FAM151B: variants seen among roughly 807,000 people sequenced by gnomAD.
FAM151B encodes the protein protein FAM151B.
In FAM151B, 24 loss-of-function variants were observed where a neutral mutation model predicts 31.2. The ratio of observed to expected loss-of-function variants is 0.77; its 90% CI spans 0.56 to 1.08. The LOEUF (loss-of-function observed/expected upper bound fraction) is 1.08. Among genes scored for constraint, FAM151B ranks in the 50% least tolerant of loss-of-function variants. The pLI, the probability that FAM151B is intolerant of heterozygous loss-of-function variation, is 0.00. For missense variants in FAM151B, 293 were observed against 328.6 expected, an observed-to-expected ratio of 0.89 and a Z score of 0.84; for synonymous variants, 105 against 111.4, an observed-to-expected ratio of 0.94 and a Z score of 0.36.
At chr5:80,512,688 G>A (rs549626374) in intron 2 of FAM151B, among the ~76,000 whole-genome samples, 12 of 151,528 alleles carry the variant, frequency 7.9e-5, no homozygotes, top group East Asian at 5.8e-4. Context: ...AAGCTGAGGC[G>A]GGAGGATTGC....
chr5:80,498,378 T>C (rs1238375862), intron 1 of FAM151B, among the ~76,000 whole-genome samples: 2 of 152,174 alleles, frequency 1.3e-5, no homozygotes, highest in Non-Finnish European at 2.9e-5. Context: ...AAGTCCCATG[T>C]ATGTTAGTTA....
rs2112689988 is a variant in FAM151B at position 80,541,956 on chromosome 5, T to C, written c.*124T>C. 9.9e-7 allele frequency: 1 copy of C among 1,011,526 alleles called. No homozygotes were observed. The highest frequency in any genetic ancestry group is 1.4e-6 in the Non-Finnish European group (1 of 699,908). The allele number at this position is 1,011,526 out of a possible 1,614,324, so 62.7% of individuals were successfully genotyped here. A position where few individuals can be genotyped will look rare whatever the true frequency, so the allele number is the denominator to read the frequency against. On this transcript the variant is annotated 3_prime_UTR_variant, in exon 6 of 6. Coordinates refer to ENST00000282226, the MANE Select transcript of FAM151B (RefSeq NM_205548.3). The stretch of plus-strand genomic sequence containing the variant: ...TTCCAAGTCATCTAATCAAGAAACG[T>C]TTATTGTATGCTTACTCTGTGGGCA...
rs577735486 is a variant in FAM151B, at chr5:80,542,479, T to C, written c.*647T>C. The C allele has an allele frequency of 6.6e-6, 1 of 152,082 alleles. No individual in the cohort carries two copies. Among genetic ancestry groups the C allele is most frequent in the South Asian group, 2.1e-4 (1 of 4,824 alleles). The allele number at this position is 152,082 out of a possible 1,614,324, so 9.4% of individuals were successfully genotyped here. On this transcript the variant is annotated 3_prime_UTR_variant, in exon 6 of 6. Coordinates refer to ENST00000282226, the MANE Select transcript of FAM151B (RefSeq NM_205548.3). ...ACTGTTGGAGAGCAGTTTTAGTCTT[T>C]GTTATGTATCATTTGTTTTCCAAGT...
intron 2 of FAM151B, among the ~76,000 whole-genome samples, chr5:80,507,242 A>G (rs902765032): frequency 1.3e-5 from 2 of 152,046 alleles, no homozygotes; most frequent in Admixed American, 6.6e-5. Flanking sequence ...CAAGATTTGG[A>G]CTAGAGGGTG....
intron 5 of FAM151B, among the ~76,000 whole-genome samples, chr5:80,530,093 A>G (rs187786986): frequency 3.2e-4 from 49 of 152,348 alleles, no homozygotes; most frequent in African/African-American, 1.2e-3. Context: ...ATACAAATCA[A>G]TAAACATAAT....
chr5:80,530,472 T>A (rs10054911), intron 5 of FAM151B, among the ~76,000 whole-genome samples: 15,690 of 152,172 alleles, frequency 0.1, 1,239 homozygotes, highest in African/African-American at 0.22. Flanking sequence ...GACATGATTG[T>A]ATATTTAGAA....
chr5:80,541,608 T>C lies in FAM151B; in HGVS notation c.672-65T>C, dbSNP rs185811036. The C allele has an allele frequency of 3.2e-4, 480 of 1,491,706 alleles. 1 individual carries two copies. In the African/African-American group the frequency reaches 5.5e-3, roughly 17 times the overall value. The allele number at this position is 1,491,706 out of a possible 1,614,324, so 92.4% of individuals were successfully genotyped here. A position where few individuals can be genotyped will look rare whatever the true frequency, so the allele number is the denominator to read the frequency against. On this transcript the variant is annotated intron_variant, in intron 5 of 5. Coordinates refer to ENST00000282226, the MANE Select transcript of FAM151B (RefSeq NM_205548.3). ...GAGATAAATGAAAGCATTTTTAGGC[T>C]TATTGGAATGACTCATCGCTTTCTT...
intron 2 of FAM151B, among the ~76,000 whole-genome samples, chr5:80,505,729 T>C (rs1743930150): frequency 6.7e-6 from 1 of 149,810 alleles, no homozygotes. Context: ...ACCAGTCCCC[T>C]TTTCTTTCTT....
chr5:80,520,230 T>C (rs1744640600), intron 4 of FAM151B, among the ~76,000 whole-genome samples: 1 of 152,210 alleles, frequency 6.6e-6, no homozygotes, highest in Non-Finnish European at 1.5e-5. Context: ...GTCCCTTCTT[T>C]TTATCAGGAA....
chr5:80,509,466 G>A (rs1298228077), intron 2 of FAM151B, among the ~76,000 whole-genome samples: 1 of 152,050 alleles, frequency 6.6e-6, no homozygotes, highest in Non-Finnish European at 1.5e-5. Flanking sequence ...TTTGATATTG[G>A]ATTTCCCAGC....
intron 3 of FAM151B, 84 bp downstream of exon 3, chr5:80,513,853 T>C: frequency 7.8e-7 from 1 of 1,289,598 alleles, no homozygotes; most frequent in Non-Finnish European, 1.1e-6. Context: ...TTATCCAAAC[T>C]GAAAATGGAA....
chr5:80,514,934 C>T (rs903566137), intron 3 of FAM151B, among the ~76,000 whole-genome samples: 1 of 152,116 alleles, frequency 6.6e-6, no homozygotes, highest in East Asian at 1.9e-4. Context: ...AAAGAACTAT[C>T]TTAAGATCAT....
chr5:80,492,501 C>T (rs184622066), intron 1 of FAM151B, among the ~76,000 whole-genome samples: 1 of 152,260 alleles, frequency 6.6e-6, no homozygotes, highest in Non-Finnish European at 1.5e-5. Context: ...TGTGTTCAGA[C>T]TGCTTCACCA....
chr5:80,529,542 A>G (rs898484448), intron 5 of FAM151B, among the ~76,000 whole-genome samples: 1 of 152,232 alleles, frequency 6.6e-6, no homozygotes, highest in Non-Finnish European at 1.5e-5. Context: ...GCAATAAAAA[A>G]TGATAAAGCG....
intron 5 of FAM151B, among the ~76,000 whole-genome samples, chr5:80,538,464 T>TCTC (rs1561383734): frequency 3.5e-4 from 38 of 108,390 alleles, no homozygotes; most frequent in Middle Eastern, 4.4e-3. Context: ...CTTTCTTTCT[T>TCTC]TCTTTCTTTC....
intron 1 of FAM151B, among the ~76,000 whole-genome samples, chr5:80,490,455 T>G (rs1468475449): frequency 1.3e-5 from 2 of 152,254 alleles, no homozygotes; most frequent in African/African-American, 4.8e-5. Flanking sequence ...TTAAAGAGTA[T>G]AATTCAGTGG....
chr5:80,534,886 A>C (rs903195120), intron 5 of FAM151B, among the ~76,000 whole-genome samples: 5 of 152,228 alleles, frequency 3.3e-5, no homozygotes, highest in African/African-American at 1.2e-4. Flanking sequence ...AAAAACTATT[A>C]GAACTAATAA....
chr5:80,538,513 T>TTCCTTCCTTCCTTCC (rs1745696880), intron 5 of FAM151B, among the ~76,000 whole-genome samples: 3 of 61,504 alleles, frequency 4.9e-5, no homozygotes, highest in Admixed American at 2.0e-4. Flanking sequence ...CTTTTCTTTC[T>TTCCTTCCTTCCTTCC]TTCCTTCCTT....
chr5:80,519,742 C>T lies in FAM151B; in HGVS notation c.367C>T (p.His123Tyr). 6.2e-7 allele frequency: 1 copy of T among 1,614,122 alleles called. No individual in the cohort carries two copies. The highest frequency in any genetic ancestry group is 8.5e-7 in the Non-Finnish European group (1 of 1,180,018). ...GATGCTCTTGGAAAATGTGAAGAGG[C>T]ATCTGAAGCGTCCTGTATGGATTAA... is the stretch of plus-strand genomic sequence containing the variant. The part of the protein sequence containing the change: ...SMMLLENVKR[H>Y]LKRPVWINAD... Residue 123 changes from histidine (H) to tyrosine (Y), a missense_variant, in exon 4 of 6, where the codon CAT (histidine) becomes TAT (tyrosine). Transcript: ENST00000282226.
Sources: allele counts gnomAD v4.1 joint callset (sites outside exome capture counted in the v4.1 genomes callset), GRCh38; gene constraint gnomAD v4.1.1; transcripts MANE v1.5; gene names NCBI Gene and HGNC (gene_info 2026-07-23, HGNC 2026-07-21).